SBF2: variants seen among roughly 807,000 people sequenced by gnomAD.
The protein encoded by SBF2 is myotubularin-related protein 13.
In SBF2, 112 loss-of-function variants were observed where a neutral mutation model predicts 225.2. The ratio of observed to expected loss-of-function variants is 0.50; its 90% confidence interval spans 0.43 to 0.58. SBF2 has a LOEUF of 0.58. Ranked by LOEUF, SBF2 falls within the 20% of genes least tolerant of loss-of-function variation. The pLI is 0.00. For synonymous variants in SBF2, 763 were observed against 773.3 expected (o/e 0.99, Z 0.22); for missense variants, 1,996 against 2,206.2 (o/e 0.90, Z 1.91).
At chr11:9,872,358 C>T (rs1458976501) in intron 17 of SBF2, among the ~76,000 whole-genome samples, 1 of 152,112 alleles carries the variant, frequency 6.6e-6, no homozygotes, top group East Asian at 1.9e-4. Flanking sequence ...GGGCTTAATA[C>T]CTAGGTGGTG....
intron 1 of SBF2, among the ~76,000 whole-genome samples, chr11:10,233,612 C>CAAAA: frequency 7.4e-6 from 1 of 134,262 alleles, no homozygotes. Flanking sequence ...GATAATTCTC[C>CAAAA]AAAAAAAAAA....
intron 16 of SBF2, among the ~76,000 whole-genome samples, chr11:9,898,048 C>G (rs910733469): frequency 6.6e-6 from 1 of 151,204 alleles, no homozygotes; most frequent in Non-Finnish European, 1.5e-5. Context: ...CCGGGAGAAG[C>G]ACTCCAGAAA....
chr11:10,230,929 C>T (rs564273962), intron 1 of SBF2, among the ~76,000 whole-genome samples: 3 of 152,272 alleles, frequency 2.0e-5, no homozygotes, highest in Non-Finnish European at 4.4e-5. Context: ...CCATTCTCCC[C>T]GTCACTTTCA....
chr11:9,962,115 A>G lies in SBF2; in HGVS notation c.1711-9T>C, dbSNP rs1866612014. On this transcript the variant is annotated splice_polypyrimidine_tract_variant and intron_variant, in intron 15 of 39. Transcript: ENST00000256190. ...AGTGCAGCAGGAAGGGTCTGAGGAC[A>G]AGAGAGGTACAAATGACCAAATGGT... is the stretch of plus-strand genomic sequence containing the variant. 1.2e-6 allele frequency: 2 copies of G among 1,614,032 alleles called. No individual in the cohort carries two copies. The highest frequency in any genetic ancestry group is 1.7e-6 in the Non-Finnish European group (2 of 1,179,902).
At chr11:9,798,951 C>CAAA (rs11452749) in intron 32 of SBF2, among the ~76,000 whole-genome samples, 43,064 of 134,680 alleles carry the variant, frequency 0.32, 7,934 homozygotes, top group Non-Finnish European at 0.42. Flanking sequence ...GACTCCGTCT[C>CAAA]AAAAAAAAAA....
chr11:9,970,426 T>C (rs1305087458), intron 13 of SBF2, among the ~76,000 whole-genome samples: 1 of 152,086 alleles, frequency 6.6e-6, no homozygotes, highest in African/African-American at 2.4e-5. Flanking sequence ...AGGACGGTCT[T>C]GATTTCCTGA....
intron 23 of SBF2, among the ~76,000 whole-genome samples, chr11:9,846,290 TA>T (rs1856544095): frequency 6.6e-6 from 1 of 152,116 alleles, no homozygotes; most frequent in African/African-American, 2.4e-5. Flanking sequence ...TAGAAGCCAA[TA>T]GGAGAGATCC....
At chr11:10,272,639 G>A (rs887951782) in intron 1 of SBF2, among the ~76,000 whole-genome samples, 3 of 152,200 alleles carry the variant, frequency 2.0e-5, no homozygotes, top group African/African-American at 7.2e-5. Flanking sequence ...AGGCATGGTG[G>A]CATGTGCCTG....
intron 17 of SBF2, among the ~76,000 whole-genome samples, chr11:9,889,401 C>A (rs1860610553): frequency 6.6e-6 from 1 of 152,044 alleles, no homozygotes; most frequent in South Asian, 2.1e-4. Flanking sequence ...TTATTTACAG[C>A]CAGATAAACC....
At chr11:9,852,775 T>A in intron 20 of SBF2, 26 bp from the exon 21 acceptor site, 1 of 1,518,738 alleles carries the variant, frequency 6.6e-7, no homozygotes, top group African/African-American at 1.4e-5. Context: ...GTATTCAAAA[T>A]GAAAGAACAC....
At chr11:10,267,787 G>GT (rs1284017508) in intron 1 of SBF2, among the ~76,000 whole-genome samples, 5 of 152,116 alleles carry the variant, frequency 3.3e-5, no homozygotes, top group Non-Finnish European at 7.4e-5. Flanking sequence ...GTGAAAGGGA[G>GT]TTTAAGGTGG....
chr11:10,273,332 G>A (rs904533707), intron 1 of SBF2, among the ~76,000 whole-genome samples: 5 of 151,974 alleles, frequency 3.3e-5, no homozygotes, highest in East Asian at 1.9e-4. Context: ...TTTTGAACTC[G>A]AATTACTGTT....
chr11:10,279,029 T>A (rs1963196865), intron 1 of SBF2, among the ~76,000 whole-genome samples: 1 of 146,960 alleles, frequency 6.8e-6, no homozygotes, highest in South Asian at 2.2e-4. Flanking sequence ...GGCCATGAGT[T>A]TGAGGCTGCA....
rs200661738 is a variant in SBF2, at chr11:10,231,484, TTG to T, written c.56-37499_56-37498del. Among the ~76,000 whole-genome samples, 896 of 152,324 alleles carry T rather than the reference TTG, an allele frequency of 5.9e-3. 14 individuals carry two copies. The highest frequency in any genetic ancestry group is 0.02 in the African/African-American group (812 of 41,560). ...ACAATGGTGATGTACAGATGGGTTT[TTG>T]GTGTGGATGTCCTTTCTGTTTGTTA... On this transcript the variant is annotated intron_variant, in intron 1 of 39. Coordinates refer to ENST00000256190, the MANE Select transcript of SBF2 (RefSeq NM_030962.4).
chr11:10,145,464 G>C (rs896489918), intron 2 of SBF2, among the ~76,000 whole-genome samples: 6 of 152,066 alleles, frequency 3.9e-5, no homozygotes, highest in African/African-American at 1.4e-4. Context: ...AAAGAAGAAA[G>C]AGGTATACAT....
In SBF2 at chr11:9,808,139, A is replaced by G; in HGVS notation, c.4304T>C (p.Leu1435Pro). ...QLLSDPFYRT[L>P]EGFQMLVEKE... is the part of the protein sequence containing the mutation. Reference sequence around the variant, plus strand: ...TTCAACCAACATCTGGAAGCCTTCAAGTGTCCTATAAAAGGGATCACTGAG... The same window carrying G: ...TTCAACCAACATCTGGAAGCCTTCAGGTGTCCTATAAAAGGGATCACTGAG... The change falls in exon 32 of 40, where the codon CTT becomes CCT. Residue 1435 changes from leucine to proline, a missense_variant. Transcript: ENST00000256190. 1 of 1,614,206 alleles carries G rather than the reference A, an allele frequency of 6.2e-7. No individual in the cohort carries two copies. The highest frequency in any genetic ancestry group is 8.5e-7 in the Non-Finnish European group (1 of 1,180,026).
intron 1 of SBF2, among the ~76,000 whole-genome samples, chr11:10,231,037 C>T (rs1258478265): frequency 6.6e-6 from 1 of 152,128 alleles, no homozygotes; most frequent in Non-Finnish European, 1.5e-5. Context: ...CTAAACTTCT[C>T]TTCTTGCTTC....
rs551342256 is a variant in SBF2, at chr11:9,814,935, CTG to C, written c.3978+1903_3978+1904del. Among the ~76,000 whole-genome samples, 24 of 152,174 alleles carry C rather than the reference CTG, an allele frequency of 1.6e-4. No homozygotes were observed. In the South Asian group the frequency reaches 5.0e-3, roughly 32 times the overall value. On this transcript the variant is annotated intron_variant, in intron 29 of 39. Transcript: ENST00000256190. ...TCAAGATTATTTTCAGAATAAGTCA[CTG>C]TAATTTATTGGCTTTCATGTTTCTT...
intron 17 of SBF2, among the ~76,000 whole-genome samples, chr11:9,862,807 CT>C (rs1430621321): frequency 2.0e-5 from 3 of 151,752 alleles, no homozygotes; most frequent in Non-Finnish European, 4.4e-5. Flanking sequence ...TGAAGAAAAA[CT>C]TTCCCAAGAC....
Sources: gnomAD v4.1 joint callset for allele counts (sites outside exome capture counted in the v4.1 genomes callset) on GRCh38, gnomAD v4.1.1 for gene constraint, MANE v1.5 for transcripts, NCBI Gene and HGNC (gene_info 2026-07-23, HGNC 2026-07-21) for gene names.